ZSWIM5: variants seen among roughly 807,000 people sequenced by gnomAD.
The protein encoded by ZSWIM5 is zinc finger SWIM domain-containing protein 5.
ZSWIM5 carries 55 observed loss-of-function variants against 119.6 expected under a neutral mutation model. That is an observed-to-expected ratio of 0.46 (90% confidence interval 0.37 to 0.58). ZSWIM5 has a LOEUF of 0.58. Ranked by LOEUF, ZSWIM5 falls within the 20% of genes least tolerant of loss-of-function variation. The pLI, the probability that ZSWIM5 is intolerant of heterozygous loss-of-function variation, is 0.00. For missense variants in ZSWIM5, 1,193 were observed against 1,512.8 expected, an observed-to-expected ratio of 0.79 and a Z score of 3.51; for synonymous variants, 537 against 606.9, an observed-to-expected ratio of 0.88 and a Z score of 1.69.
intron 1 of ZSWIM5, among the ~76,000 whole-genome samples, chr1:45,094,438 C>T (rs866386167): frequency 2.6e-5 from 4 of 151,744 alleles, no homozygotes; most frequent in South Asian, 2.1e-4. Flanking sequence ...GGCTCAGAAG[C>T]TTGGTTTTTA....
intron 11 of ZSWIM5, among the ~76,000 whole-genome samples, chr1:45,031,360 T>A (rs1427152653): frequency 6.6e-6 from 1 of 151,596 alleles, no homozygotes; most frequent in Non-Finnish European, 1.5e-5. Context: ...TTTTTTGTAT[T>A]TTTGGTAGAG....
intron 1 of ZSWIM5, among the ~76,000 whole-genome samples, chr1:45,090,475 C>T (rs978242986): frequency 2.6e-5 from 4 of 152,040 alleles, no homozygotes; most frequent in Admixed American, 2.6e-4. Flanking sequence ...GAAAGCTGGG[C>T]AACATGGCTC....
In ZSWIM5 at chr1:45,206,033, C is replaced by T. The variant is rs1246423381; in HGVS notation, c.318G>A (p.Glu106=). Residue 106 remains glutamate (E), a synonymous_variant, in exon 1 of 14, where the codon GAG becomes GAA. Coordinates refer to ENST00000359600, the MANE Select transcript of ZSWIM5 (RefSeq NM_020883.2). ...AGCTGGAGTACATGCAGATCTCCCG[C>T]TCATTCCGCGGGAAGGACCAGTAGA... ...RIVYWSFPRN[E]REICMYSSFQ... 6.2e-7 allele frequency: 1 copy of T among 1,606,466 alleles called. No homozygotes were observed.
At chr1:45,096,951 C>T (rs533952512) in intron 1 of ZSWIM5, among the ~76,000 whole-genome samples, 1 of 152,306 alleles carries the variant, frequency 6.6e-6, no homozygotes, top group African/African-American at 2.4e-5. Flanking sequence ...CTTCAACGTG[C>T]TCCAAGTGCG....
chr1:45,106,992 G>A (rs1471317655), intron 1 of ZSWIM5, among the ~76,000 whole-genome samples: 1 of 152,184 alleles, frequency 6.6e-6, no homozygotes, highest in Non-Finnish European at 1.5e-5. Flanking sequence ...GATGTGCTTT[G>A]TTAAACAGAT....
chr1:45,203,340 C>CT (rs1183628625), intron 1 of ZSWIM5, among the ~76,000 whole-genome samples: 1 of 151,876 alleles, frequency 6.6e-6, no homozygotes, highest in African/African-American at 2.4e-5. Context: ...GCCTTGAAGG[C>CT]TTTTTTGTTT....
At chr1:45,111,683 G>A (rs1570111057) in intron 1 of ZSWIM5, among the ~76,000 whole-genome samples, 1 of 152,192 alleles carries the variant, frequency 6.6e-6, no homozygotes, top group African/African-American at 2.4e-5. Context: ...CACCTTCAAT[G>A]CCAGCAATGG....
chr1:45,053,655 C>A (rs770377654), intron 4 of ZSWIM5, among the ~76,000 whole-genome samples: 1 of 148,476 alleles, frequency 6.7e-6, no homozygotes, highest in Non-Finnish European at 1.5e-5. Flanking sequence ...CCCAGTTACT[C>A]AGGTGGCCAA....
chr1:45,139,694 A>ATTTTTTTTTTTTTTTTT (rs774168631), intron 1 of ZSWIM5, among the ~76,000 whole-genome samples: 1 of 67,332 alleles, frequency 1.5e-5, no homozygotes, highest in Non-Finnish European at 2.8e-5. Context: ...GCTTTCTTCG[A>ATTTTTTTTTTTTTTTTT]TTTTTTTTTT....
At chr1:45,187,254 C>T (rs929750553) in intron 1 of ZSWIM5, among the ~76,000 whole-genome samples, 1 of 151,956 alleles carries the variant, frequency 6.6e-6, no homozygotes, top group Non-Finnish European at 1.5e-5. Context: ...TAAGGATAGA[C>T]ATAAAGATCA....
chr1:45,093,905 G>A (rs1303819554), intron 1 of ZSWIM5, among the ~76,000 whole-genome samples: 1 of 148,850 alleles, frequency 6.7e-6, no homozygotes, highest in African/African-American at 2.5e-5. Context: ...GTGCAGTGGT[G>A]CGACCACGGC....
chr1:45,200,861 T>A (rs566778272), intron 1 of ZSWIM5, among the ~76,000 whole-genome samples: 5 of 152,140 alleles, frequency 3.3e-5, no homozygotes, highest in African/African-American at 1.2e-4. Flanking sequence ...GAAACAAGTA[T>A]GAGAAGCTGT....
At chr1:45,110,880 A>C (rs1047185116) in intron 1 of ZSWIM5, among the ~76,000 whole-genome samples, 2 of 152,212 alleles carry the variant, frequency 1.3e-5, no homozygotes, top group Admixed American at 6.5e-5. Flanking sequence ...TTTTAAGCTC[A>C]GGATGAATGT....
intron 2 of ZSWIM5, chr1:45,070,268 A>G (rs1403273121): frequency 7.5e-6 from 11 of 1,468,018 alleles, no homozygotes; most frequent in East Asian, 4.5e-5. Context: ...TTGGAGGTTC[A>G]ACAATAACAT....
intron 1 of ZSWIM5, among the ~76,000 whole-genome samples, chr1:45,163,636 T>C (rs889352646): frequency 1.3e-5 from 2 of 152,148 alleles, no homozygotes; most frequent in African/African-American, 2.4e-5. Flanking sequence ...TTAAATGACC[T>C]GATGGAGCTG....
Position 45,196,904 on chromosome 1 carries a change from C to A in ZSWIM5, c.595+8852G>T, listed in dbSNP as rs556488175. On this transcript the variant is annotated intron_variant, in intron 1 of 13. Transcript: ENST00000359600. Reference sequence around the variant, plus strand: ...GATGAATCCTGAGTGGTTAACTGGGCCTACATTTAAAATAGAGCCCAAGAG... The same window carrying A: ...GATGAATCCTGAGTGGTTAACTGGGACTACATTTAAAATAGAGCCCAAGAG... 3.3e-5 allele frequency among the ~76,000 whole-genome samples: 5 copies of A among 152,238 alleles called. No individual in the cohort carries two copies. The South Asian group carries it at 8.3e-4, about 25-fold the overall frequency.
chr1:45,066,947 G>T (rs1422918602), intron 2 of ZSWIM5, among the ~76,000 whole-genome samples: 1 of 152,172 alleles, frequency 6.6e-6, no homozygotes, highest in African/African-American at 2.4e-5. Context: ...AAAAGGCAAA[G>T]GTGTTAGGAG....
intron 2 of ZSWIM5, among the ~76,000 whole-genome samples, chr1:45,087,113 A>C (rs1357773432): frequency 3.9e-5 from 6 of 152,058 alleles, no homozygotes; most frequent in Non-Finnish European, 7.4e-5. Context: ...TGAACTCCTG[A>C]CCTCAAGTGA....
At chr1:45,122,281 A>G (rs1473390281) in intron 1 of ZSWIM5, among the ~76,000 whole-genome samples, 1 of 152,238 alleles carries the variant, frequency 6.6e-6, no homozygotes, top group Non-Finnish European at 1.5e-5. Context: ...CTTCATATGT[A>G]AAATGGTGAT....
Sources: allele counts gnomAD v4.1 joint callset (sites outside exome capture counted in the v4.1 genomes callset), GRCh38; gene constraint gnomAD v4.1.1; transcripts MANE v1.5; gene names NCBI Gene and HGNC (gene_info 2026-07-23, HGNC 2026-07-21).